The following TENM2 variants were observed in gnomAD, a reference collection of about 807,000 sequenced individuals.
TENM2 encodes the protein teneurin transmembrane protein 2, also known as teneurin-2.
Under a neutral mutation model 245.2 loss-of-function variants are expected in TENM2, and 52 were observed. The observed-to-expected ratio is 0.21, with a 90% confidence interval of 0.17 to 0.27. The LOEUF is 0.27. Ranked by LOEUF, TENM2 falls within the 10% of genes least tolerant of loss-of-function variation. TENM2 has a pLI of 1.00. For missense variants in TENM2, 3,046 were observed against 3,666.8 expected (o/e 0.83, Z 4.37); for synonymous variants, 1,363 against 1,438.9 (o/e 0.95, Z 1.19).
intron 1 of TENM2, among the ~76,000 whole-genome samples, chr5:167,321,606 T>C (rs1756726518): frequency 6.6e-6 from 1 of 152,034 alleles, no homozygotes; most frequent in South Asian, 2.1e-4. Context: ...TTTGCTAAGG[T>C]AGAAGGGGAG....
intron 4 of TENM2, among the ~76,000 whole-genome samples, chr5:167,989,297 AG>A (rs1360170770): frequency 9.3e-5 from 14 of 149,976 alleles, no homozygotes; most frequent in African/African-American, 3.2e-4. Flanking sequence ...AGAGAGAGAG[AG>A]AGATAGATAG....
exon 16 of TENM2, chr5:168,198,990 A>G (rs1264594868): frequency 6.2e-7 from 1 of 1,613,920 alleles, no homozygotes; most frequent in Non-Finnish European, 8.5e-7. Context: ...AAGACCGAGG[A>G]GAACTCCATC....
intron 2 of TENM2, among the ~76,000 whole-genome samples, chr5:167,822,914 C>T (rs576341440): frequency 2.6e-5 from 4 of 152,280 alleles, no homozygotes; most frequent in South Asian, 4.1e-4. Flanking sequence ...AAAGAACGGA[C>T]GTTGGAACCA....
chr5:167,962,117 C>T (rs2151889543), intron 4 of TENM2, among the ~76,000 whole-genome samples: 1 of 152,308 alleles, frequency 6.6e-6, no homozygotes, highest in South Asian at 2.1e-4. Flanking sequence ...GTCCTGCTTT[C>T]CTAAAGTAAG....
intron 1 of TENM2, among the ~76,000 whole-genome samples, chr5:167,327,952 AGAT>A (rs1407701613): frequency 1.3e-5 from 2 of 152,206 alleles, no homozygotes; most frequent in Non-Finnish European, 2.9e-5. Context: ...TTAGATTAAA[AGAT>A]GATGGTGATT....
At chr5:167,259,248 A>G in the TENM2 span, among the ~76,000 whole-genome samples, 9 of 152,190 alleles carry the variant, frequency 5.9e-5, no homozygotes, top group Non-Finnish European at 1.0e-4. Context: ...TCAGGCAACA[A>G]GAGACATTGA....
intron 1 of TENM2, among the ~76,000 whole-genome samples, chr5:167,317,729 A>G (rs1053909220): frequency 1.3e-5 from 2 of 152,122 alleles, no homozygotes; most frequent in Admixed American, 6.6e-5. Context: ...TGTAATGGCC[A>G]TTTCTGTGTC....
At chr5:167,623,666 A>C (rs972817578) in intron 2 of TENM2, among the ~76,000 whole-genome samples, 2 of 152,306 alleles carry the variant, frequency 1.3e-5, no homozygotes, top group African/African-American at 4.8e-5. Flanking sequence ...GGAATCTAGC[A>C]AGAACAACTC....
chr5:168,134,580 A>G (rs1414300034), intron 12 of TENM2, among the ~76,000 whole-genome samples: 1 of 152,142 alleles, frequency 6.6e-6, no homozygotes, highest in Admixed American at 6.5e-5. Context: ...CTAGCTACTC[A>G]GGAGGCTGAG....
At chr5:167,272,088 A>G in the TENM2 span, among the ~76,000 whole-genome samples, 2 of 152,268 alleles carry the variant, frequency 1.3e-5, no homozygotes, top group South Asian at 2.1e-4. Context: ...CAGTTTTCAC[A>G]CTGTGTCCAT....
intron 25 of TENM2, among the ~76,000 whole-genome samples, chr5:168,230,077 T>C (rs972202626): frequency 1.3e-5 from 2 of 152,218 alleles, no homozygotes; most frequent in African/African-American, 4.8e-5. Context: ...ACTCCAAATA[T>C]TAAAACTCTT....
intron 1 of TENM2, among the ~76,000 whole-genome samples, chr5:167,351,051 TGG>T (rs1159480716): frequency 7.5e-6 from 1 of 133,106 alleles, no homozygotes; most frequent in Non-Finnish European, 1.6e-5. Flanking sequence ...TATATATATA[TGG>T]GATATATACA....
the TENM2 span, among the ~76,000 whole-genome samples, chr5:167,050,478 A>G: frequency 6.6e-6 from 1 of 152,192 alleles, no homozygotes; most frequent in Non-Finnish European, 1.5e-5. Flanking sequence ...GCTGGTCTAA[A>G]AGACAGGCAC....
chr5:167,601,833 C>T (rs1030359325), intron 2 of TENM2, among the ~76,000 whole-genome samples: 5 of 152,044 alleles, frequency 3.3e-5, no homozygotes, highest in Non-Finnish European at 7.4e-5. Flanking sequence ...ACATTTTCCC[C>T]GGAGTTGTAT....
chr5:167,424,252 T>A (rs1444828834), intron 2 of TENM2, among the ~76,000 whole-genome samples: 2 of 152,076 alleles, frequency 1.3e-5, no homozygotes, highest in African/African-American at 4.8e-5. Context: ...GCAGAATAAA[T>A]CAGTTCCTTT....
chr5:168,132,961 T>C (rs767934172), intron 12 of TENM2, among the ~76,000 whole-genome samples: 2 of 152,222 alleles, frequency 1.3e-5, no homozygotes, highest in Non-Finnish European at 2.9e-5. Context: ...AGCCAATTCA[T>C]TGTGGTATCA....
chr5:167,523,499 C>T (rs898712728), intron 2 of TENM2, among the ~76,000 whole-genome samples: 14 of 152,040 alleles, frequency 9.2e-5, no homozygotes, highest in Non-Finnish European at 1.6e-4. Context: ...GGATTTTACA[C>T]ATAAATGTGT....
rs190224747 is a variant in TENM2 at position 167,802,780 on chromosome 5, G to A, written c.503-73206G>A. On this transcript the variant is annotated intron_variant, in intron 2 of 28. Coordinates refer to ENST00000518659, the Ensembl canonical transcript of TENM2. ...TCCTGATTCTTGTCATGGTGATAAA[G>A]CACTCATGTTGGCTTGAGTAAGTGT... Among the ~76,000 whole-genome samples the A allele has an allele frequency of 1.9e-4, 29 of 152,222 alleles. No individual in the cohort carries two copies. The Middle Eastern group carries it at 0.01, about 54-fold the overall frequency.
At chr5:167,499,428 T>G (rs1305868993) in intron 2 of TENM2, among the ~76,000 whole-genome samples, 1 of 152,186 alleles carries the variant, frequency 6.6e-6, no homozygotes, top group Non-Finnish European at 1.5e-5. Context: ...AGATGCATAC[T>G]GAAATATTTA....
Sources: gnomAD v4.1 joint callset for allele counts (sites outside exome capture counted in the v4.1 genomes callset) on GRCh38, gnomAD v4.1.1 for gene constraint, MANE v1.5 for transcripts, NCBI Gene and HGNC (gene_info 2026-07-23, HGNC 2026-07-21) for gene names.